Variants in PHF24 observed in about 807,000 individuals in gnomAD.
The protein encoded by PHF24 is Galpha inhibitory interacting protein.
A neutral mutation model predicts 42.6 loss-of-function variants in PHF24; 25 were observed. The observed-to-expected ratio is 0.59, with a 90% CI of 0.43 to 0.82. The LOEUF is 0.82. PHF24 is among the 40% of genes least tolerant of loss of function. The pLI, the probability that PHF24 is intolerant of heterozygous loss-of-function variation, is 0.00. For missense variants in PHF24, 470 were observed against 538.1 expected (o/e 0.87, Z 1.25); for synonymous variants, 185 against 204.8 (o/e 0.90, Z 0.83).
the PHF24 span, chr9:34,726,336 A>AT: frequency 6.5e-7 from 1 of 1,545,246 alleles, no homozygotes; most frequent in Non-Finnish European, 8.7e-7. Flanking sequence ...AAATGCATCC[A>AT]TTTTTTAACA....
At position 34,972,537 on chromosome 9, in the gene PHF24, T is replaced by C; in HGVS notation, c.564+6T>C. 1 of 1,600,614 alleles carries C rather than the reference T, an allele frequency of 6.2e-7. No homozygotes were observed. The highest frequency in any genetic ancestry group is 2.2e-5 in the East Asian group (1 of 44,456). ...GCTGGAGCTGCCACTACTGTGTAAGTCTGGACTGCAGGGACAGCAGAGGAC... is the reference window on the plus strand; with the variant it reads ...GCTGGAGCTGCCACTACTGTGTAAGCCTGGACTGCAGGGACAGCAGAGGAC... On this transcript the variant is annotated splice_donor_region_variant and intron_variant, in intron 3 of 7. Coordinates refer to ENST00000242315, the Ensembl canonical transcript of PHF24.
At chr9:34,866,435 T>A in the PHF24 span, among the ~76,000 whole-genome samples, 4 of 152,170 alleles carry the variant, frequency 2.6e-5, no homozygotes. Flanking sequence ...GGTCAGCAAT[T>A]GACTCCTGGA....
chr9:34,704,360 CCT>C, the PHF24 span, among the ~76,000 whole-genome samples: 12 of 152,212 alleles, frequency 7.9e-5, 1 homozygote, highest in South Asian at 2.5e-3. Flanking sequence ...TCCCACCTAT[CCT>C]CTATATCTGT....
chr9:34,711,604 G>A, the PHF24 span, among the ~76,000 whole-genome samples: 20 of 150,236 alleles, frequency 1.3e-4, no homozygotes, highest in Middle Eastern at 6.8e-3. Flanking sequence ...GTGCAGTGGC[G>A]TGATCTTGGC....
chr9:34,695,104 G>A, the PHF24 span, among the ~76,000 whole-genome samples: 1 of 152,216 alleles, frequency 6.6e-6, no homozygotes, highest in Non-Finnish European at 1.5e-5. Context: ...CATGGTTAGA[G>A]AGTTGGAACA....
chr9:34,891,991 A>C, the PHF24 span, among the ~76,000 whole-genome samples: 1 of 152,156 alleles, frequency 6.6e-6, no homozygotes, highest in Non-Finnish European at 1.5e-5. Context: ...ATTAGTACAG[A>C]GGTGAAGGAG....
the PHF24 span, among the ~76,000 whole-genome samples, chr9:34,831,565 G>A: frequency 2.4e-4 from 36 of 152,254 alleles, no homozygotes; most frequent in East Asian, 6.2e-3. Context: ...CCCTCCCAAA[G>A]CACTTGGGCC....
At chr9:34,778,754 A>G in the PHF24 span, among the ~76,000 whole-genome samples, 1 of 152,212 alleles carries the variant, frequency 6.6e-6, no homozygotes, top group Admixed American at 6.5e-5. Context: ...ACAACATTAT[A>G]AATCAACTAG....
chr9:34,936,519 C>T, the PHF24 span, among the ~76,000 whole-genome samples: 1 of 151,886 alleles, frequency 6.6e-6, no homozygotes, highest in Non-Finnish European at 1.5e-5. Context: ...AGCGTCTCTG[C>T]CTGGCCGCCC....
chr9:34,704,872 A>G, the PHF24 span, among the ~76,000 whole-genome samples: 1 of 152,174 alleles, frequency 6.6e-6, no homozygotes, highest in Non-Finnish European at 1.5e-5. Flanking sequence ...AATACATGGT[A>G]TTAGTAATTT....
chr9:34,791,865 C>G, the PHF24 span, among the ~76,000 whole-genome samples: 1 of 152,140 alleles, frequency 6.6e-6, no homozygotes, highest in African/African-American at 2.4e-5. Flanking sequence ...TAGTAGGAAT[C>G]AATATCTTTG....
the PHF24 span, among the ~76,000 whole-genome samples, chr9:34,713,271 C>T: frequency 6.6e-6 from 1 of 152,318 alleles, no homozygotes; most frequent in East Asian, 1.9e-4. Context: ...CAGGAAGATC[C>T]TGAAGCCCAA....
At chr9:34,948,366 T>C in the PHF24 span, among the ~76,000 whole-genome samples, 4 of 152,232 alleles carry the variant, frequency 2.6e-5, no homozygotes, top group Admixed American at 2.0e-4. Context: ...TCTACAGTCA[T>C]GTGCAGTAAT....
the PHF24 span, among the ~76,000 whole-genome samples, chr9:34,914,450 A>G: frequency 6.6e-6 from 1 of 152,134 alleles, no homozygotes; most frequent in Non-Finnish European, 1.5e-5. Context: ...TCCTACAATA[A>G]AAGTCTTTTA....
the PHF24 span, among the ~76,000 whole-genome samples, chr9:34,785,738 C>T: frequency 6.6e-6 from 1 of 152,168 alleles, no homozygotes; most frequent in Admixed American, 6.5e-5. Context: ...CATCCTTCCA[C>T]CTTTATACTT....
chr9:34,953,075 A>G (rs77499298), upstream of PHF24, among the ~76,000 whole-genome samples: 409 of 152,374 alleles, frequency 2.7e-3, 2 homozygotes, highest in South Asian at 5.2e-3. This position sits in a 1 kb window ranked among gnomAD's most constrained non-coding sequence, Gnocchi z 4.1. Context: ...AAGAGTTCTC[A>G]GATGTGACAC....
At chr9:34,852,498 A>T in the PHF24 span, among the ~76,000 whole-genome samples, 3 of 152,220 alleles carry the variant, frequency 2.0e-5, no homozygotes, top group Non-Finnish European at 4.4e-5. Flanking sequence ...TTTGTCTGGG[A>T]AAGTCTTTAT....
At chr9:34,786,479 A>G in the PHF24 span, among the ~76,000 whole-genome samples, 1 of 152,182 alleles carries the variant, frequency 6.6e-6, no homozygotes, top group Non-Finnish European at 1.5e-5. Flanking sequence ...ACTCTTTCAG[A>G]GCATTTCAGC....
the PHF24 span, among the ~76,000 whole-genome samples, chr9:34,854,305 G>T: frequency 7.3e-6 from 1 of 137,908 alleles, no homozygotes; most frequent in African/African-American, 2.7e-5. Flanking sequence ...GTTATTTCTT[G>T]TCTTCTGCTA....
Sources: allele counts gnomAD v4.1 joint callset (sites outside exome capture counted in the v4.1 genomes callset), GRCh38; gene constraint gnomAD v4.1.1; non-coding constraint Gnocchi (gnomAD v3.1); transcripts MANE v1.5; gene names NCBI Gene and HGNC (gene_info 2026-07-23, HGNC 2026-07-21).